Variants in MBOAT1 observed in about 807,000 individuals in gnomAD.
The protein encoded by MBOAT1 is membrane bound glycerophospholipid O-acyltransferase 1, also known as membrane-bound glycerophospholipid O-acyltransferase 1.
MBOAT1 carries 67 observed loss-of-function variants against 64.4 expected under a neutral mutation model. The ratio of observed to expected loss-of-function variants is 1.04; its 90% CI spans 0.85 to 1.27. MBOAT1 has a LOEUF of 1.27. Ranked by LOEUF, MBOAT1 falls within the 50% of genes most tolerant of loss-of-function variation. The pLI is 0.00. For missense variants in MBOAT1, 563 were observed against 604.6 expected (o/e 0.93, Z 0.72); for synonymous variants, 229 against 218.9 (o/e 1.05, Z -0.41).
At chr6:20,171,530 C>T (rs571530907) in intron 1 of MBOAT1, among the ~76,000 whole-genome samples, 9 of 151,678 alleles carry the variant, frequency 5.9e-5, no homozygotes, top group Non-Finnish European at 1.3e-4. Context: ...TCCAGCCTGC[C>T]AAGACCCTGT....
At chr6:20,152,981 C>T (rs574503396) in intron 1 of MBOAT1, among the ~76,000 whole-genome samples, 3 of 152,214 alleles carry the variant, frequency 2.0e-5, no homozygotes, top group East Asian at 3.9e-4. Context: ...TACAGGCGCC[C>T]GCCACCACGC....
At chr6:20,103,398 T>TTTG (rs374908993) in intron 12 of MBOAT1, among the ~76,000 whole-genome samples, 1 of 151,996 alleles carries the variant, frequency 6.6e-6, no homozygotes, top group African/African-American at 2.4e-5. Flanking sequence ...GTACCACGTT[T>TTTG]TTGTTGTTGT....
chr6:20,113,660 C>T (rs1760238605), intron 10 of MBOAT1, among the ~76,000 whole-genome samples: 2 of 151,940 alleles, frequency 1.3e-5, no homozygotes, highest in South Asian at 2.1e-4. Context: ...TCAGCAAATA[C>T]CCTGAGGGTT....
chr6:20,111,080 C>A (rs1561745854), intron 11 of MBOAT1, among the ~76,000 whole-genome samples: 1 of 152,152 alleles, frequency 6.6e-6, no homozygotes, highest in Non-Finnish European at 1.5e-5. Context: ...TCCCGTTTTA[C>A]AGATAAATAA....
intron 4 of MBOAT1, among the ~76,000 whole-genome samples, chr6:20,138,835 T>C (rs1450660529): frequency 6.6e-6 from 1 of 152,220 alleles, no homozygotes; most frequent in Non-Finnish European, 1.5e-5. Context: ...CTCACAGTTC[T>C]TGAGGTTAAA....
At position 20,212,190 on chromosome 6, in the gene MBOAT1, C is replaced by G. The variant is rs1371214901; in HGVS notation, c.45G>C (p.Thr15=). The G allele has an allele frequency of 6.2e-7, 1 of 1,612,240 alleles. No individual in the cohort carries two copies. The highest frequency in any genetic ancestry group is 1.7e-5 in the Admixed American group (1 of 59,926). Residue 15 remains threonine, a synonymous_variant, in exon 1 of 13, where the codon ACG becomes ACC. Transcript: ENST00000324607. ...TGAGCGGGTGCAGGTAGGTGGAGCC[C>G]GTGGTGCGGTAGGAAAGGCTGGACG... The part of the protein sequence containing the change: ...PQPSSLSYRT[T]GSTYLHPLSE...
chr6:20,194,130 A>AT (rs57828792), intron 1 of MBOAT1, among the ~76,000 whole-genome samples: 1 of 152,088 alleles, frequency 6.6e-6, no homozygotes, highest in Non-Finnish European at 1.5e-5. Context: ...ATCCAAAAAA[A>AT]AAAGCACGCA....
chr6:20,194,010 A>G (rs1302978614), intron 1 of MBOAT1, among the ~76,000 whole-genome samples: 2 of 152,218 alleles, frequency 1.3e-5, no homozygotes, highest in African/African-American at 2.4e-5. Context: ...TAACAGTGTA[A>G]CTGCATATGA....
chr6:20,154,349 A>G (rs968557577), intron 1 of MBOAT1, among the ~76,000 whole-genome samples: 1 of 152,182 alleles, frequency 6.6e-6, no homozygotes, highest in Non-Finnish European at 1.5e-5. Context: ...CTGGCCAAAC[A>G]TGGTAAAACC....
Position 20,115,873 on chromosome 6 carries a change from T to C in MBOAT1, c.1012-521A>G, listed in dbSNP as rs906197279. On this transcript the variant is annotated intron_variant, in intron 9 of 12. Coordinates refer to ENST00000324607, the MANE Select transcript of MBOAT1 (RefSeq NM_001080480.3). ...GTTTCTGGAATAGTAAGAGATTTTA[T>C]GCATGAAGGCATCACAGTACAGGAA... Among the ~76,000 whole-genome samples, 15 of 152,220 alleles carry C rather than the reference T, an allele frequency of 9.9e-5. No individual in the cohort carries two copies. The East Asian group carries it at 2.9e-3, about 29-fold the overall frequency.
intron 12 of MBOAT1, among the ~76,000 whole-genome samples, chr6:20,108,081 G>C (rs1760013564): frequency 1.3e-5 from 2 of 152,222 alleles, no homozygotes; most frequent in African/African-American, 4.8e-5. Flanking sequence ...GCCTCTCTGA[G>C]GAGGGAGCCC....
intron 4 of MBOAT1, among the ~76,000 whole-genome samples, chr6:20,133,191 GAA>G (rs1264178217): frequency 6.6e-6 from 1 of 152,212 alleles, no homozygotes; most frequent in Non-Finnish European, 1.5e-5. Flanking sequence ...CTGAGAGAGG[GAA>G]AGAGAACTCG....
intron 1 of MBOAT1, among the ~76,000 whole-genome samples, chr6:20,168,900 T>TGGGCGGGGCGCGGTGGCTCA (rs1189963323): frequency 5.3e-5 from 8 of 149,704 alleles, no homozygotes; most frequent in African/African-American, 7.4e-5. Context: ...ACAAATATCA[T>TGGGCGGGGCGCGGTGGCTCA]CGGGGTTTTC....
At chr6:20,125,367 T>C (rs1260104955) in intron 7 of MBOAT1, among the ~76,000 whole-genome samples, 1 of 152,242 alleles carries the variant, frequency 6.6e-6, no homozygotes, top group Non-Finnish European at 1.5e-5. Flanking sequence ...GAACAGTGCC[T>C]GGATCCCAGT....
intron 4 of MBOAT1, among the ~76,000 whole-genome samples, chr6:20,134,996 A>C (rs1760939728): frequency 6.6e-6 from 1 of 151,446 alleles, no homozygotes; most frequent in Admixed American, 6.6e-5. Context: ...GAGGAGATCC[A>C]TAAATGGCTC....
chr6:20,146,364 A>T (rs1761325654), intron 3 of MBOAT1, among the ~76,000 whole-genome samples: 1 of 152,218 alleles, frequency 6.6e-6, no homozygotes, highest in African/African-American at 2.4e-5. Context: ...ACTCTAAATC[A>T]CTGTGTAACT....
rs147437676 is a variant in MBOAT1, at chr6:20,182,897, T to G, written c.99+29239A>C. 1.7e-3 allele frequency among the ~76,000 whole-genome samples: 264 copies of G among 152,300 alleles called. 1 individual carries two copies. Among genetic ancestry groups the G allele is most frequent in the Middle Eastern group, 0.014 (4 of 294 alleles). On this transcript the variant is annotated intron_variant, in intron 1 of 12. Transcript: ENST00000324607. ...TCATAGGAGGGGGTGACAATGGAAC[T>G]CTCAAACCCCAACCATTATTATAAC...
chr6:20,142,152 C>T (rs987791494), intron 4 of MBOAT1, among the ~76,000 whole-genome samples: 1 of 152,154 alleles, frequency 6.6e-6, no homozygotes, highest in African/African-American at 2.4e-5. Flanking sequence ...TGTTTAATAT[C>T]CCAACCAATA....
chr6:20,201,551 G>GT (rs1763123658), intron 1 of MBOAT1, among the ~76,000 whole-genome samples: 1 of 151,756 alleles, frequency 6.6e-6, no homozygotes, highest in Non-Finnish European at 1.5e-5. Flanking sequence ...GACTTCGATA[G>GT]TAAGTGCCTG....
Sources: allele counts gnomAD v4.1 joint callset (sites outside exome capture counted in the v4.1 genomes callset), GRCh38; gene constraint gnomAD v4.1.1; transcripts MANE v1.5; gene names NCBI Gene and HGNC (gene_info 2026-07-23, HGNC 2026-07-21).